Variants in SATB1 observed in about 807,000 individuals in gnomAD.
The protein encoded by SATB1 is DNA-binding protein SATB1.
In SATB1, 11 loss-of-function variants were observed where a neutral mutation model predicts 86.9. The observed-to-expected ratio is 0.13, with a 90% CI of 0.08 to 0.21. The LOEUF (loss-of-function observed/expected upper bound fraction) is 0.21. SATB1 is among the 10% of genes least tolerant of loss of function. The probability of loss-of-function intolerance (pLI) is 1.00; values close to 1 mark genes in which losing one functional copy is unlikely to be tolerated. For synonymous variants in SATB1, 357 were observed against 357.2 expected, an observed-to-expected ratio of 1.00 and a Z score of 0.01; for missense variants, 551 against 937.6, an observed-to-expected ratio of 0.59 and a Z score of 5.39.
chr3:18,425,143 T>C lies in SATB1; in HGVS notation c.-1541A>G, dbSNP rs922307626. 12 of 176,032 alleles carry C rather than the reference T, an allele frequency of 6.8e-5. No individual in the cohort carries two copies. Among genetic ancestry groups the C allele is most frequent in the Non-Finnish European group, 1.4e-4 (12 of 86,072 alleles). The allele number at this position is 176,032 out of a possible 1,614,324, so 10.9% of individuals were successfully genotyped here. A position where few individuals can be genotyped will look rare whatever the true frequency, so the allele number is the denominator to read the frequency against. The stretch of plus-strand genomic sequence containing the variant: ...CAGCCCTCTCCGCCGCTGCTCCTGC[T>C]GCTGCTGCCGCCGCCGCCGCCGCTG... On this transcript the variant is annotated 5_prime_UTR_variant, in exon 1 of 11. Coordinates refer to ENST00000338745, the MANE Select transcript of SATB1 (RefSeq NM_002971.6).
In SATB1 at chr3:18,352,916, T is replaced by A. The variant is rs556307880; in HGVS notation, c.1576-721A>T. ...TCCAATGACTGCCAAAATCTGCACC[T>A]CTCTGATGTTTCCAAGGCCCAGTTT... On this transcript the variant is annotated intron_variant, in intron 9 of 10. Coordinates refer to ENST00000338745, the MANE Select transcript of SATB1 (RefSeq NM_002971.6). The surrounding 1 kb of genome is among the most constrained non-coding windows in gnomAD (Gnocchi z 4.1). 7.6e-6 allele frequency: 1 copy of A among 130,934 alleles called. No homozygotes were observed. The highest frequency in any genetic ancestry group is 2.6e-4 in the South Asian group (1 of 3,906). 8.1% of individuals were successfully genotyped at this position (130,934 alleles called of 1,614,324 possible). A position where few individuals can be genotyped will look rare whatever the true frequency, so the allele number is the denominator to read the frequency against.
intron 9 of SATB1, among the ~76,000 whole-genome samples, chr3:18,368,689 C>T (rs1695309089): frequency 6.6e-6 from 1 of 152,066 alleles, no homozygotes; most frequent in African/African-American, 2.4e-5. Flanking sequence ...AGGTTCATAA[C>T]TGAAGTCATA....
intron 9 of SATB1, among the ~76,000 whole-genome samples, chr3:18,359,135 A>G (rs555010406): frequency 6.6e-6 from 1 of 152,124 alleles, no homozygotes; most frequent in East Asian, 1.9e-4. Context: ...AAAAGGTGCA[A>G]ATCATTTGTT....
rs186356213 is a variant in SATB1, at chr3:18,401,167, C to G, written c.640-3877G>C. Among the ~76,000 whole-genome samples, 10 of 152,278 alleles carry G rather than the reference C, an allele frequency of 6.6e-5. 1 individual carries two copies. The highest frequency in any genetic ancestry group is 6.5e-4 in the Admixed American group (10 of 15,300). On this transcript the variant is annotated intron_variant, in intron 5 of 10. Transcript: ENST00000338745. ...TTGCACTGGACTGTGGGCCTTAGGT[C>G]TCATCTGAATATATCCTGGACTCAT...
intron 8 of SATB1, among the ~76,000 whole-genome samples, chr3:18,384,989 G>C (rs1696257622): frequency 6.6e-6 from 1 of 152,094 alleles, no homozygotes; most frequent in African/African-American, 2.4e-5. Flanking sequence ...AAATAAACTA[G>C]TGAAAATGGA....
At chr3:18,376,670 C>T (rs1171938524) in intron 9 of SATB1, among the ~76,000 whole-genome samples, 4 of 151,984 alleles carry the variant, frequency 2.6e-5, no homozygotes, top group Admixed American at 6.6e-5. Context: ...AGGTTTAAAG[C>T]GGCTCTAACA....
intron 1 of SATB1, among the ~76,000 whole-genome samples, chr3:18,422,903 T>C (rs1290924787): frequency 1.3e-5 from 2 of 152,234 alleles, no homozygotes; most frequent in Non-Finnish European, 2.9e-5. Flanking sequence ...TATAATTTAA[T>C]GTATTGACAA....
intron 9 of SATB1, among the ~76,000 whole-genome samples, chr3:18,370,286 C>T (rs1193888687): frequency 6.6e-6 from 1 of 151,952 alleles, no homozygotes; most frequent in Non-Finnish European, 1.5e-5. Flanking sequence ...ACAGATCTAA[C>T]TGTCTTGTCC....
At chr3:18,373,379 A>G (rs569093815) in intron 9 of SATB1, among the ~76,000 whole-genome samples, 16 of 152,372 alleles carry the variant, frequency 1.1e-4, no homozygotes, top group African/African-American at 3.8e-4. Context: ...GAATCAGCAC[A>G]GAATTAAAAA....
intron 9 of SATB1, among the ~76,000 whole-genome samples, chr3:18,358,278 T>C (rs190877222): frequency 6.6e-6 from 1 of 152,150 alleles, no homozygotes; most frequent in Admixed American, 6.6e-5. Context: ...TCTTAAGATA[T>C]TGTTCTTTAC....
At chr3:18,445,567 T>C in exon 1 of SATB1, 2 of 979,026 alleles carry the variant, frequency 2.0e-6, no homozygotes, top group Non-Finnish European at 2.4e-6. Context: ...CGCCTGCGGC[T>C]TCCTCTTGTT....
At chr3:18,425,808 T>G (rs1268928790), upstream of SATB1, among the ~76,000 whole-genome samples, 1 of 79,360 alleles carries the variant, frequency 1.3e-5, no homozygotes, top group Non-Finnish European at 2.4e-5. Flanking sequence ...GGCAGGTGTG[T>G]GAGTGGGAGG....
chr3:18,388,185 A>G (rs1696441314), intron 7 of SATB1, among the ~76,000 whole-genome samples: 1 of 152,192 alleles, frequency 6.6e-6, no homozygotes, highest in African/African-American at 2.4e-5. Context: ...TGTCTACACA[A>G]GAGCAAAACA....
intron 5 of SATB1, chr3:18,409,547 C>G (rs1347396060): frequency 6.6e-6 from 1 of 151,994 alleles, no homozygotes; most frequent in African/African-American, 2.4e-5. Context: ...ACAGGTTTAC[C>G]ATTTCCTTTA....
intron 5 of SATB1, among the ~76,000 whole-genome samples, chr3:18,414,731 A>G (rs892158832): frequency 7.9e-5 from 12 of 152,216 alleles, no homozygotes; most frequent in African/African-American, 2.6e-4. Flanking sequence ...TAACACTGAC[A>G]CTGCCATTCC....
At position 18,386,303 on chromosome 3, in the gene SATB1, C is replaced by A; in HGVS notation, c.1419+96G>T. On this transcript the variant is annotated intron_variant, in intron 8 of 10. Transcript: ENST00000338745. The surrounding 1 kb of genome is among the most constrained non-coding windows in gnomAD (Gnocchi z 4.5). ...TATACGAATTTAAAAACATATAAAT[C>A]TATGTATCTATCTATCTAATTTCTT... is the stretch of plus-strand genomic sequence containing the variant. 1.1e-6 allele frequency: 1 copy of A among 929,804 alleles called. No individual in the cohort carries two copies. The allele number at this position is 929,804 out of a possible 1,614,324, so 57.6% of individuals were successfully genotyped here.
chr3:18,428,840 C>T (rs904015245), upstream of SATB1, among the ~76,000 whole-genome samples: 4 of 152,096 alleles, frequency 2.6e-5, no homozygotes, highest in Non-Finnish European at 4.4e-5. Context: ...GGCAGATATC[C>T]GAACGCATTA....
chr3:18,347,773 T>C lies in SATB1; in HGVS notation c.*1397A>G, dbSNP rs1261093483. On this transcript the variant is annotated 3_prime_UTR_variant, in exon 11 of 11. Transcript: ENST00000338745. The stretch of plus-strand genomic sequence containing the variant: ...TTCATTGTGAAATTTCATACCTATT[T>C]AAAAATGAGCATGTGTTTGTGATTT... The C allele has an allele frequency of 1.3e-5, 2 of 152,214 alleles. No individual in the cohort carries two copies. Among genetic ancestry groups the C allele is most frequent in the African/African-American group, 4.8e-5 (2 of 41,466 alleles). 9.4% of individuals were successfully genotyped at this position (152,214 alleles called of 1,614,324 possible).
At position 18,345,658 on chromosome 3, in the gene SATB1, A is replaced by T. The variant is rs1378768144; in HGVS notation, c.*3512T>A. The stretch of plus-strand genomic sequence containing the variant: ...AGAAGACTAGTATTGATATTTTCTG[A>T]TATTTTAGATATGATTAATATTTTG... On this transcript the variant is annotated 3_prime_UTR_variant, in exon 11 of 11. Coordinates refer to ENST00000338745, the MANE Select transcript of SATB1 (RefSeq NM_002971.6). The T allele has an allele frequency of 1.3e-5, 2 of 152,142 alleles. No individual in the cohort carries two copies. Among genetic ancestry groups the T allele is most frequent in the African/African-American group, 4.8e-5 (2 of 41,456 alleles). 9.4% of individuals were successfully genotyped at this position (152,142 alleles called of 1,614,324 possible). A position where few individuals can be genotyped will look rare whatever the true frequency, so the allele number is the denominator to read the frequency against.
Sources: gnomAD v4.1 joint callset for allele counts (sites outside exome capture counted in the v4.1 genomes callset) on GRCh38, gnomAD v4.1.1 for gene constraint, Gnocchi (gnomAD v3.1) non-coding constraint, MANE v1.5 for transcripts, NCBI Gene and HGNC (gene_info 2026-07-23, HGNC 2026-07-21) for gene names.